Variants in NKAP observed in about 807,000 individuals in gnomAD.
The protein encoded by NKAP is NF-kappa-B-activating protein.
NKAP carries 4 observed loss-of-function variants against 35.6 expected under a neutral mutation model. That is an observed-to-expected ratio of 0.11 (90% CI 0.06 to 0.26). The LOEUF (loss-of-function observed/expected upper bound fraction) is 0.26, where lower values mean the gene tolerates loss of function less well. Among genes scored for constraint, NKAP ranks in the 10% least tolerant of loss-of-function variants. NKAP has a pLI of 1.00. For synonymous variants in NKAP, 106 were observed against 119.2 expected (o/e 0.89, Z 0.72); for missense variants, 238 against 321.9 (o/e 0.74, Z 1.99).
At chrX:119,926,583 A>T (rs1457084942) in intron 8 of NKAP, among the ~76,000 whole-genome samples, 1 of 111,436 alleles carries the variant, frequency 9.0e-6, no homozygotes, top group Non-Finnish European at 1.9e-5. Flanking sequence ...ATTAATTTCA[A>T]ATACTAAGGG....
intron 8 of NKAP, among the ~76,000 whole-genome samples, chrX:119,925,947 A>ATTTTTTTT (rs1238211722): frequency 3.6e-4 from 19 of 52,374 alleles, no homozygotes; most frequent in East Asian, 6.1e-4. Context: ...TTTTTTTTTA[A>ATTTTTTTT]TTTTTTTTTT....
In NKAP at chrX:119,943,726, T is replaced by C; in HGVS notation, c.-121A>G. On this transcript the variant is annotated 5_prime_UTR_variant, in exon 1 of 9. Coordinates refer to ENST00000371410, the MANE Select transcript of NKAP (RefSeq NM_024528.4). ...GGAACAGCCCAAATCTGAGGAAACCTTGGACACAGTTCTGGGTACTTCTGC... is the reference window on the plus strand; with the variant it reads ...GGAACAGCCCAAATCTGAGGAAACCCTGGACACAGTTCTGGGTACTTCTGC... The C allele has an allele frequency of 2.4e-6, 2 of 846,665 alleles. No individual in the cohort carries two copies. Among genetic ancestry groups the C allele is most frequent in the Non-Finnish European group, 3.2e-6 (2 of 623,735 alleles). The allele number at this position is 846,665 out of a possible 1,213,427, so 69.8% of individuals were successfully genotyped here.
rs369386190 is a variant in NKAP, at chrX:119,934,430, CAAAAAAAAAAAAA to C, written c.737+51_737+63del. On this transcript the variant is annotated intron_variant, in intron 5 of 8. Coordinates refer to ENST00000371410, the MANE Select transcript of NKAP (RefSeq NM_024528.4). ...TGCCTGACAGAGTGAGACTCTGTCT[CAAAAAAAAAAAAA>C]AAAAAAAAAAAAGAAAAGAAATTTT... 3.7e-5 allele frequency: 7 copies of C among 190,557 alleles called. No individual in the cohort carries two copies. The East Asian group carries it at 1.2e-3, about 33-fold the overall frequency. The allele number at this position is 190,557 out of a possible 1,213,427, so 15.7% of individuals were successfully genotyped here.
Position 119,932,176 on chromosome X carries a change from C to G in NKAP, c.778G>C (p.Glu260Gln), listed in dbSNP as rs1350937663. The change falls in exon 6 of 9, where the codon GAG becomes CAG. Residue 260 changes from glutamate (E) to glutamine (Q), a missense_variant. Glu to Gln is a conservative substitution (Grantham distance 29). This residue lies in a region of NKAP where 89 missense variants were observed against 91.7 expected (regional missense o/e 0.97). Transcript: ENST00000371410. ...KKKRSKKSRK[E>Q]SSDSSSKESQ... ...TCTTTAGAGCTTGAATCACTGGACT[C>G]TTTTCTGCTCTTCTTAGACCTCTTT... 4 of 1,203,760 alleles carry G rather than the reference C, an allele frequency of 3.3e-6. No individual in the cohort carries two copies. Among genetic ancestry groups the G allele is most frequent in the Non-Finnish European group, 2.2e-6 (2 of 891,102 alleles).
rs2056700825 is a variant in NKAP, at chrX:119,924,535, C to CAT, written c.*684_*685insAT. On this transcript the variant is annotated 3_prime_UTR_variant, in exon 9 of 9. Transcript: ENST00000371410. ...CCTCCCGAGTAGTTGGGATTACAGG[C>CAT]GCCCACCACCACGCCCGGCTAATTT... is the stretch of plus-strand genomic sequence containing the variant. 1 of 107,507 alleles carries CAT rather than the reference C, an allele frequency of 9.3e-6. No individual in the cohort carries two copies. Among genetic ancestry groups the CAT allele is most frequent in the South Asian group, 4.1e-4 (1 of 2,446 alleles). The allele number at this position is 107,507 out of a possible 1,213,427, so 8.9% of individuals were successfully genotyped here. A position where few individuals can be genotyped will look rare whatever the true frequency, so the allele number is the denominator to read the frequency against.
intron 8 of NKAP, among the ~76,000 whole-genome samples, chrX:119,925,929 CT>C (rs1305744041): frequency 8.8e-4 from 41 of 46,427 alleles, no homozygotes; most frequent in South Asian, 1.4e-3. Flanking sequence ...ATCCTTTTTT[CT>C]TTTTTTTTTT....
chrX:119,929,899 C>G, intron 8 of NKAP, 117 bp downstream of exon 8: 1 of 802,146 alleles, frequency 1.2e-6, no homozygotes, highest in Non-Finnish European at 1.7e-6. Flanking sequence ...TATTTATACT[C>G]TACTTTTCAT....
chrX:119,943,710 C>T lies in NKAP; in HGVS notation c.-105G>A. On this transcript the variant is annotated 5_prime_UTR_variant, in exon 1 of 9. Transcript: ENST00000371410. ...CGGGACCTGCCGCTGCGGAACAGCC[C>T]AAATCTGAGGAAACCTTGGACACAG... is the stretch of plus-strand genomic sequence containing the variant. 6.4e-6 allele frequency: 6 copies of T among 938,817 alleles called. No individual in the cohort carries two copies. Among genetic ancestry groups the T allele is most frequent in the Non-Finnish European group, 8.5e-6 (6 of 703,384 alleles). 77.4% of individuals were successfully genotyped at this position (938,817 alleles called of 1,213,427 possible).
chrX:119,936,638 C>T lies in NKAP; in HGVS notation c.512G>A (p.Ser171Asn). Residue 171 changes from serine (S) to asparagine (N), a missense_variant, in exon 3 of 9, where the codon AGC (serine) becomes AAC (asparagine). By Grantham distance (46) the Ser-to-Asn change is conservative (BLOSUM62 1). This residue lies in a region of NKAP where 89 missense variants were observed against 91.7 expected (regional missense o/e 0.97). Coordinates refer to ENST00000371410, the MANE Select transcript of NKAP (RefSeq NM_024528.4). ...TPVEDEEPKK[S>N]TTSASTSEEE... is the part of the protein sequence containing the mutation. Reference sequence around the variant, plus strand: ...TTCTGAAGTAGAAGCTGAAGTAGTGCTTTTCTTTGGCTCTTCATCCTCCAC... The same window carrying T: ...TTCTGAAGTAGAAGCTGAAGTAGTGTTTTTCTTTGGCTCTTCATCCTCCAC... 1 of 1,179,202 alleles carries T rather than the reference C, an allele frequency of 8.5e-7. No homozygotes were observed. Among genetic ancestry groups the T allele is most frequent in the Non-Finnish European group, 1.1e-6 (1 of 881,194 alleles).
At chrX:119,931,489 G>GTT (rs1878104020) in intron 7 of NKAP, among the ~76,000 whole-genome samples, 5 of 111,135 alleles carry the variant, frequency 4.5e-5, no homozygotes, top group African/African-American at 1.6e-4. Context: ...CTGGGCAACA[G>GTT]AGCGAGACTC....
intron 8 of NKAP, 135 bp downstream of exon 8, chrX:119,929,881 C>T (rs1229041692): frequency 1.4e-6 from 1 of 704,922 alleles, no homozygotes; most frequent in Non-Finnish European, 2.0e-6. Flanking sequence ...ACACTAATAT[C>T]AAACCAATAT....
At position 119,922,650 on chromosome X, in the gene NKAP, C is replaced by T. The variant is rs1414068905; in HGVS notation, c.*2570G>A. ...GGCTGAGGTGGAGGATTGCTTGAGCCCAGGAGGTGGAGGTTGCAGTGAGCC... is the reference window on the plus strand; with the variant it reads ...GGCTGAGGTGGAGGATTGCTTGAGCTCAGGAGGTGGAGGTTGCAGTGAGCC... On this transcript the variant is annotated 3_prime_UTR_variant, in exon 9 of 9. Coordinates refer to ENST00000371410, the MANE Select transcript of NKAP (RefSeq NM_024528.4). The T allele has an allele frequency of 9.0e-6, 1 of 110,766 alleles. No individual in the cohort carries two copies. The highest frequency in any genetic ancestry group is 2.8e-4 in the East Asian group (1 of 3,513). The allele number at this position is 110,766 out of a possible 1,213,427, so 9.1% of individuals were successfully genotyped here. A position where few individuals can be genotyped will look rare whatever the true frequency, so the allele number is the denominator to read the frequency against.
At chrX:119,927,107 G>C (rs1460373130) in intron 8 of NKAP, among the ~76,000 whole-genome samples, 2 of 97,393 alleles carry the variant, frequency 2.1e-5, no homozygotes, top group Non-Finnish European at 4.1e-5. Context: ...ATCTGTAATT[G>C]AACAGCAGTT....
At chrX:119,931,632 G>A (rs1056253771) in intron 7 of NKAP, among the ~76,000 whole-genome samples, 1 of 112,070 alleles carries the variant, frequency 8.9e-6, no homozygotes, top group African/African-American at 3.2e-5. Flanking sequence ...TTGGGAATCA[G>A]CATATGCATC....
At position 119,921,193 on chromosome X, in the gene NKAP, G is replaced by A. The variant is rs774252416; in HGVS notation, c.*4027C>T. On this transcript the variant is annotated 3_prime_UTR_variant, in exon 9 of 9. Coordinates refer to ENST00000371410, the MANE Select transcript of NKAP (RefSeq NM_024528.4). ...CTTGGGGACTAGGGGCAATGACACG[G>A]GAAGGATACAATCATTGCCCTTACT... 1 of 111,364 alleles carries A rather than the reference G, an allele frequency of 9.0e-6. No homozygotes were observed. Among genetic ancestry groups the A allele is most frequent in the South Asian group, 3.8e-4 (1 of 2,624 alleles). The allele number at this position is 111,364 out of a possible 1,213,427, so 9.2% of individuals were successfully genotyped here.
In NKAP at chrX:119,943,701, G is replaced by C; in HGVS notation, c.-96C>G. 2.0e-6 allele frequency: 2 copies of C among 978,961 alleles called. No homozygotes were observed. The highest frequency in any genetic ancestry group is 2.4e-5 in the South Asian group (1 of 41,456). The allele number at this position is 978,961 out of a possible 1,213,427, so 80.7% of individuals were successfully genotyped here. On this transcript the variant is annotated 5_prime_UTR_variant, in exon 1 of 9. Coordinates refer to ENST00000371410, the MANE Select transcript of NKAP (RefSeq NM_024528.4). The stretch of plus-strand genomic sequence containing the variant: ...CTTGGTTCCCGGGACCTGCCGCTGC[G>C]GAACAGCCCAAATCTGAGGAAACCT...
In NKAP at chrX:119,926,043, G is replaced by A. The variant is rs1189839324; in HGVS notation, c.1074-649C>T. On this transcript the variant is annotated intron_variant, in intron 8 of 8. Coordinates refer to ENST00000371410, the MANE Select transcript of NKAP (RefSeq NM_024528.4). ...GCAATCTCGGCTCACTGCAAGCTCC[G>A]CTTCCCGGGTTCACGCCATTCTCCT... Among the ~76,000 whole-genome samples the A allele has an allele frequency of 1.5e-4, 13 of 85,332 alleles. No homozygotes were observed. The Admixed American group carries it at 1.8e-3, about 12-fold the overall frequency. The allele number at this position is 85,332 out of a possible 115,157, so 74.1% of individuals were successfully genotyped here.
At chrX:119,933,034 T>A (rs957808740) in intron 5 of NKAP, among the ~76,000 whole-genome samples, 1 of 111,125 alleles carries the variant, frequency 9.0e-6, no homozygotes, top group Non-Finnish European at 1.9e-5. Context: ...TCTGATGTTG[T>A]AGAAAGACAA....
chrX:119,936,703 T>C (rs2056768485), intron 2 of NKAP, 21 bp from the exon 3 acceptor site: 2 of 1,125,419 alleles, frequency 1.8e-6, no homozygotes, highest in Non-Finnish European at 2.4e-6. Context: ...ATAAAATGGT[T>C]ATAAGAATTA....
Sources: gnomAD v4.1 joint callset for allele counts (sites outside exome capture counted in the v4.1 genomes callset) on GRCh38, gnomAD v4.1.1 for gene constraint, gnomAD v4.1.1 regional missense constraint, MANE v1.5 for transcripts, NCBI Gene and HGNC (gene_info 2026-07-23, HGNC 2026-07-21) for gene names.